DET1: variants seen among roughly 807,000 people sequenced by gnomAD.
The protein encoded by DET1 is DET1 partner of COP1 E3 ubiquitin ligase, also known as DET1 homolog.
In DET1, 22 loss-of-function variants were observed where a neutral mutation model predicts 43.7. The ratio of observed to expected loss-of-function variants is 0.50; its 90% CI spans 0.36 to 0.72. DET1 has a LOEUF of 0.72. Among genes scored for constraint, DET1 ranks in the 30% least tolerant of loss-of-function variants. The pLI, the probability that DET1 is intolerant of heterozygous loss-of-function variation, is 0.00. For synonymous variants in DET1, 315 were observed against 266.2 expected (o/e 1.18, Z -1.79); for missense variants, 713 against 713.3 (o/e 1.00, Z 0.00).
chr15:88,543,384 T>C (rs1334948715), intron 1 of DET1, among the ~76,000 whole-genome samples: 1 of 152,238 alleles, frequency 6.6e-6, no homozygotes, highest in South Asian at 2.1e-4. Context: ...GGTAAATGGA[T>C]GTCAGATGCT....
At chr15:88,541,883 GACGT>G (rs764655550) in intron 1 of DET1, among the ~76,000 whole-genome samples, 1 of 152,150 alleles carries the variant, frequency 6.6e-6, no homozygotes, top group Non-Finnish European at 1.5e-5. Flanking sequence ...TCTTCGAGGA[GACGT>G]CCCCTGTGGG....
At position 88,530,604 on chromosome 15, in the gene DET1, G is replaced by A; in HGVS notation, c.1083+19C>T. On this transcript the variant is annotated intron_variant, in intron 2 of 4. Transcript: ENST00000268148. The stretch of plus-strand genomic sequence containing the variant: ...GCCAAGGAGATTAGACAAGTAAAAG[G>A]CAGGAGTGTACCTCATACCTGTGAT... 1 of 1,567,162 alleles carries A rather than the reference G, an allele frequency of 6.4e-7. No homozygotes were observed. The highest frequency in any genetic ancestry group is 2.3e-5 in the East Asian group (1 of 44,410).
At chr15:88,545,620 G>T (rs1598356670) in intron 1 of DET1, among the ~76,000 whole-genome samples, 1 of 149,624 alleles carries the variant, frequency 6.7e-6, no homozygotes, top group East Asian at 1.9e-4. Flanking sequence ...TCTTAATTTT[G>T]TAAAACAATG....
In DET1 at chr15:88,530,749, G is replaced by T; in HGVS notation, c.957C>A (p.Phe319Leu). ...QDGSAMAKRR[F>L]FQYFDQLRQL... is the part of the protein sequence containing the mutation. The stretch of plus-strand genomic sequence containing the variant: ...GCCGCAGTTGGTCAAAATACTGGAA[G>T]AAGCGCCTCTTGGCCATTGCACTAC... Residue 319 changes from phenylalanine to leucine, a missense_variant, in exon 2 of 5, where the codon TTC (phenylalanine) becomes TTA (leucine). Phe to Leu is a conservative substitution (Grantham distance 22). Coordinates refer to ENST00000268148, the MANE Select transcript of DET1 (RefSeq NM_001144074.3). The T allele has an allele frequency of 6.2e-7, 1 of 1,613,962 alleles. No homozygotes were observed. Among genetic ancestry groups the T allele is most frequent in the East Asian group, 2.2e-5 (1 of 44,884 alleles).
At chr15:88,544,027 G>T (rs144238643) in intron 1 of DET1, among the ~76,000 whole-genome samples, 14 of 152,334 alleles carry the variant, frequency 9.2e-5, no homozygotes, top group African/African-American at 3.4e-4. Flanking sequence ...TCTCCAGATA[G>T]ACTGAAGCAT....
intron 1 of DET1, among the ~76,000 whole-genome samples, chr15:88,535,033 A>C (rs935802610): frequency 1.3e-5 from 2 of 152,234 alleles, no homozygotes; most frequent in African/African-American, 2.4e-5. Flanking sequence ...CTATTATAAA[A>C]ATGTTCCAAT....
At chr15:88,532,151 A>C (rs1425672939) in intron 1 of DET1, among the ~76,000 whole-genome samples, 1 of 152,144 alleles carries the variant, frequency 6.6e-6, no homozygotes, top group Non-Finnish European at 1.5e-5. Context: ...AAAAATATAA[A>C]AATTAGCTAG....
In DET1 at chr15:88,515,538, T is replaced by TAAAAAAAAAAAAAAAAAAA. The variant is rs1491544233; in HGVS notation, c.1463+1243_1463+1244insTTTTTTTTTTTTTTTTTTT. Among the ~76,000 whole-genome samples the TAAAAAAAAAAAAAAAAAAA allele has an allele frequency of 1.3e-4, 6 of 47,480 alleles. 3 individuals carry two copies. The highest frequency in any genetic ancestry group is 7.4e-4 in the Admixed American group (2 of 2,720). The allele number at this position is 47,480 out of a possible 152,430, so 31.1% of individuals were successfully genotyped here. A position where few individuals can be genotyped will look rare whatever the true frequency, so the allele number is the denominator to read the frequency against. Reference sequence around the variant, plus strand: ...TGGGCAACAGACAGAGACTCCGTCTTATAAAAAAAAAAAAAAAAAAAAAAA... The same window carrying TAAAAAAAAAAAAAAAAAAA: ...TGGGCAACAGACAGAGACTCCGTCTTAAAAAAAAAAAAAAAAAAAATAAAAAAAAAAAAAAAAAAAAAAA... On this transcript the variant is annotated intron_variant, in intron 4 of 4. Coordinates refer to ENST00000268148, the MANE Select transcript of DET1 (RefSeq NM_001144074.3).
chr15:88,515,319 C>T (rs988849864), intron 4 of DET1, among the ~76,000 whole-genome samples: 3 of 151,864 alleles, frequency 2.0e-5, no homozygotes, highest in African/African-American at 7.3e-5. Flanking sequence ...GTGGGTGGAT[C>T]ACCTGAGGTC....
intron 1 of DET1, among the ~76,000 whole-genome samples, chr15:88,532,700 CA>C (rs1157701824): frequency 6.6e-6 from 1 of 152,142 alleles, no homozygotes; most frequent in African/African-American, 2.4e-5. Flanking sequence ...AAAGGACAGT[CA>C]CTTCAACAAA....
chr15:88,539,366 G>A (rs1272894047), intron 1 of DET1, among the ~76,000 whole-genome samples: 3 of 146,952 alleles, frequency 2.0e-5, no homozygotes, highest in African/African-American at 7.5e-5. Context: ...CCAATGCTAA[G>A]AGGAGCCCAA....
At chr15:88,543,754 T>A (rs935876256) in intron 1 of DET1, among the ~76,000 whole-genome samples, 23 of 152,164 alleles carry the variant, frequency 1.5e-4, no homozygotes, top group African/African-American at 5.6e-4. Flanking sequence ...TGACAGCAGG[T>A]ACGCCTTTGC....
At chr15:88,527,407 A>G (rs1326629414) in intron 3 of DET1, among the ~76,000 whole-genome samples, 192 bp downstream of exon 3, 2 of 152,260 alleles carry the variant, frequency 1.3e-5, no homozygotes, top group Admixed American at 1.3e-4. Flanking sequence ...AGAAAGAATC[A>G]CAGACAATGC....
chr15:88,501,997 G>A (rs2056093220), intron 8 of DET1: 1 of 152,186 alleles, frequency 6.6e-6, no homozygotes, highest in African/African-American at 2.4e-5. Flanking sequence ...CTGTGGTGAA[G>A]GCTGAGATTT....
rs762741356 is a variant in DET1 at position 88,527,678 on chromosome 15, G to A, written c.1192C>T (p.Arg398Cys). Residue 398 changes from arginine to cysteine, a missense_variant, in exon 3 of 5, where the codon CGT (arginine) becomes TGT (cysteine). Coordinates refer to ENST00000268148, the MANE Select transcript of DET1 (RefSeq NM_001144074.3). ...ELFENFCDLFRNATLHSEVQF... is the reference protein window; with the variant it reads ...ELFENFCDLFCNATLHSEVQF... Reference sequence around the variant, plus strand: ...ACTTCACTGTGCAGGGTAGCATTACGAAAAAGGTCACAGAAGTTCTCAAAG... The same window carrying A: ...ACTTCACTGTGCAGGGTAGCATTACAAAAAAGGTCACAGAAGTTCTCAAAG... 3.7e-6 allele frequency: 6 copies of A among 1,613,774 alleles called. No individual in the cohort carries two copies. The highest frequency in any genetic ancestry group is 4.2e-6 in the Non-Finnish European group (5 of 1,179,818).
intron 3 of DET1, among the ~76,000 whole-genome samples, chr15:88,524,341 G>C (rs1475055556): frequency 6.6e-6 from 1 of 151,530 alleles, no homozygotes; most frequent in Non-Finnish European, 1.5e-5. Context: ...TCCAAGAGGT[G>C]GGGGGCAGCC....
chr15:88,535,842 G>C (rs1026669126), intron 1 of DET1, among the ~76,000 whole-genome samples: 6 of 151,886 alleles, frequency 4.0e-5, no homozygotes, highest in Non-Finnish European at 7.4e-5. Flanking sequence ...GGAAGGGAGA[G>C]AGGAAGGAAG....
intron 2 of DET1, among the ~76,000 whole-genome samples, chr15:88,529,779 T>C (rs1370111869): frequency 1.3e-5 from 2 of 152,316 alleles, no homozygotes; most frequent in African/African-American, 4.8e-5. Flanking sequence ...TGTAGAAAGG[T>C]AGTTGTCTAA....
chr15:88,544,303 G>A (rs2057189370), intron 1 of DET1, among the ~76,000 whole-genome samples: 2 of 152,160 alleles, frequency 1.3e-5, no homozygotes, highest in Non-Finnish European at 2.9e-5. Context: ...TAAAAATTGG[G>A]TAAGTCTCCT....
Sources: gnomAD v4.1 joint callset for allele counts (sites outside exome capture counted in the v4.1 genomes callset) on GRCh38, gnomAD v4.1.1 for gene constraint, MANE v1.5 for transcripts, NCBI Gene and HGNC (gene_info 2026-07-23, HGNC 2026-07-21) for gene names.